Variants in TNRC18 observed in about 807,000 individuals in gnomAD.
The protein encoded by TNRC18 is trinucleotide repeat-containing gene 18 protein.
A neutral mutation model predicts 226.7 loss-of-function variants in TNRC18; 69 were observed. That is an observed-to-expected ratio of 0.30 (90% CI 0.25 to 0.37). The LOEUF (loss-of-function observed/expected upper bound fraction) is 0.37, where lower values mean the gene tolerates loss of function less well. TNRC18 is among the 10% of genes least tolerant of loss of function. TNRC18 has a pLI of 1.00. For missense variants in TNRC18, 4,754 were observed against 4,256.6 expected (o/e 1.12, Z -3.25); for synonymous variants, 2,449 against 1,927.6 (o/e 1.27, Z -7.09).
rs776632470 is a variant in TNRC18 at position 5,309,298 on chromosome 7, C to T, written c.8459G>A (p.Arg2820His). The T allele has an allele frequency of 1.2e-5, 19 of 1,613,788 alleles. No homozygotes were observed. The highest frequency in any genetic ancestry group is 6.7e-5 in the East Asian group (3 of 44,890). ...GAGGAACACGGCACAGTCCCCGATA[C>T]GGATCATCTCCTTGCCGCGCACGAT... Reference protein sequence around the residue: ...KAIVRGKEMIRIGDCAVFLSA... With the variant: ...KAIVRGKEMIHIGDCAVFLSA... Residue 2820 changes from arginine (R) to histidine (H), a missense_variant, in exon 28 of 30, where the codon CGT becomes CAT. Physicochemically the swap from Arg to His is conservative, Grantham distance 29 (BLOSUM62 0). Transcript: ENST00000430969. The surrounding 1 kb of genome is among the most constrained non-coding windows in gnomAD (Gnocchi z 5.7).
chr7:5,312,788 G>C lies in TNRC18; in HGVS notation c.8103C>G (p.Thr2701=), dbSNP rs757609075. 3 of 1,533,836 alleles carry C rather than the reference G, an allele frequency of 2.0e-6. No individual in the cohort carries two copies. The highest frequency in any genetic ancestry group is 4.2e-5 in the Admixed American group (2 of 47,564). Reference sequence around the variant, plus strand: ...CCTTGCCGGCCTGCTTGGTGGCCTTGGTGGGGAGCGCCGCCTGCGCGGAAG... The same window carrying C: ...CCTTGCCGGCCTGCTTGGTGGCCTTCGTGGGGAGCGCCGCCTGCGCGGAAG... ...AGPSAQAALP[T]KATKQAGKAR... The change falls in exon 27 of 30, where the codon ACC becomes ACG. Residue 2701 remains threonine, a synonymous_variant. Transcript: ENST00000430969. The surrounding 1 kb of genome is among the most constrained non-coding windows in gnomAD (Gnocchi z 6.3).
At chr7:5,417,838 G>A (rs532132574) in intron 2 of TNRC18, among the ~76,000 whole-genome samples, 62 of 152,248 alleles carry the variant, frequency 4.1e-4, no homozygotes, top group African/African-American at 1.4e-3. Context: ...CTCTGCCAGC[G>A]GTCTTCACTG....
chr7:5,407,759 G>A (rs1302491334), intron 2 of TNRC18, among the ~76,000 whole-genome samples: 1 of 152,192 alleles, frequency 6.6e-6, no homozygotes, highest in Non-Finnish European at 1.5e-5. Flanking sequence ...TCCAGACTTT[G>A]TCAATTCTCA....
At chr7:5,398,173 AT>A (rs1288938002) in intron 2 of TNRC18, among the ~76,000 whole-genome samples, 11 of 149,614 alleles carry the variant, frequency 7.4e-5, no homozygotes, top group Non-Finnish European at 8.9e-5. Flanking sequence ...GCAAAAAAAA[AT>A]TTTTTTTTTT....
At chr7:5,420,203 G>A (rs1451463166) in intron 2 of TNRC18, 7 of 350,530 alleles carry the variant, frequency 2.0e-5, no homozygotes, top group Non-Finnish European at 1.7e-5. Context: ...CCGCGCCTGG[G>A]CAGCCCGTCT....
At chr7:5,391,438 A>C (rs921275675) in intron 3 of TNRC18, among the ~76,000 whole-genome samples, 2 of 151,694 alleles carry the variant, frequency 1.3e-5, no homozygotes, top group Non-Finnish European at 2.9e-5. Context: ...CAGCCTCCTG[A>C]GGAGCTGGGA....
chr7:5,389,436 T>G (rs1780110251), intron 4 of TNRC18, 100 bp from the exon 5 acceptor site: 21 of 1,163,432 alleles, frequency 1.8e-5, no homozygotes, highest in Non-Finnish European at 2.2e-5. Flanking sequence ...GACCAACCCA[T>G]GCCTCCCCCA....
At chr7:5,323,666 C>A (rs1250476317) in intron 21 of TNRC18, among the ~76,000 whole-genome samples, 1 of 150,784 alleles carries the variant, frequency 6.6e-6, no homozygotes, top group Non-Finnish European at 1.5e-5. Context: ...CTCCTGGTTT[C>A]AAGTGATTCT....
Position 5,377,027 on chromosome 7 carries a change from G to C in TNRC18, c.2462-34C>G, listed in dbSNP as rs1262890294. 1.3e-6 allele frequency: 2 copies of C among 1,552,070 alleles called. No homozygotes were observed. Among genetic ancestry groups the C allele is most frequent in the Admixed American group, 4.1e-5 (2 of 49,336 alleles). On this transcript the variant is annotated intron_variant, in intron 7 of 29. Coordinates refer to ENST00000430969, the MANE Select transcript of TNRC18 (RefSeq NM_001080495.3). The surrounding 1 kb of genome is among the most constrained non-coding windows in gnomAD (Gnocchi z 5.8). ...AGAAGCCCAGGCCTGAGTCAGTGCT[G>C]GGAGCCCCCAAGCGGTTTGTCCTCG...
chr7:5,388,895 C>G lies in TNRC18; in HGVS notation c.929G>C (p.Arg310Pro). The G allele has an allele frequency of 7.4e-7, 1 of 1,356,640 alleles. No homozygotes were observed. The highest frequency in any genetic ancestry group is 1.6e-5 in the African/African-American group (1 of 63,258). The allele number at this position is 1,356,640 out of a possible 1,614,324, so 84.0% of individuals were successfully genotyped here. A position where few individuals can be genotyped will look rare whatever the true frequency, so the allele number is the denominator to read the frequency against. The change falls in exon 5 of 30, where the codon CGG becomes CCG. Residue 310 changes from arginine to proline, a missense_variant. Arg to Pro is a moderately radical substitution (Grantham distance 103). Coordinates refer to ENST00000430969, the MANE Select transcript of TNRC18 (RefSeq NM_001080495.3). Reference protein sequence around the residue: ...AGRGGAKEAARQDEGARLLRR... With the variant: ...AGRGGAKEAAPQDEGARLLRR... ...CAGCAGCCGCGCGCCCTCGTCCTGC[C>G]GGGCAGCCTCCTTGGCACCCCCGCG...
intron 9 of TNRC18, among the ~76,000 whole-genome samples, 197 bp downstream of exon 9, chr7:5,375,837 C>T (rs771641281): frequency 6.6e-5 from 10 of 152,218 alleles, no homozygotes; most frequent in South Asian, 2.1e-4. Context: ...CAGCTCCCTC[C>T]GCCTGGAGAA....
chr7:5,381,244 C>A (rs1042846566), intron 5 of TNRC18, among the ~76,000 whole-genome samples: 4 of 152,190 alleles, frequency 2.6e-5, no homozygotes, highest in African/African-American at 9.7e-5. Flanking sequence ...TTGGCCGGGC[C>A]CCTCCTCTAC....
At position 5,371,249 on chromosome 7, in the gene TNRC18, C is replaced by G; in HGVS notation, c.3345G>C (p.Pro1115=). The change falls in exon 11 of 30, where the codon CCG becomes CCC. Residue 1115 remains proline (P), a synonymous_variant. Coordinates refer to ENST00000430969, the MANE Select transcript of TNRC18 (RefSeq NM_001080495.3). ...GGCGCTCGGGCCCATCAGCCGGGAGCGGCACATCAGGGGCCAAGCCGTCCG... is the reference window on the plus strand; with the variant it reads ...GGCGCTCGGGCCCATCAGCCGGGAGGGGCACATCAGGGGCCAAGCCGTCCG... ...ADADGLAPDV[P]LPADGPERLA... 2 of 1,602,540 alleles carry G rather than the reference C, an allele frequency of 1.2e-6. No homozygotes were observed. The highest frequency in any genetic ancestry group is 1.7e-6 in the Non-Finnish European group (2 of 1,173,758).
chr7:5,336,328 G>T (rs1285596493), intron 18 of TNRC18, among the ~76,000 whole-genome samples: 1 of 152,040 alleles, frequency 6.6e-6, no homozygotes, highest in Non-Finnish European at 1.5e-5. Flanking sequence ...GGAAAGAACA[G>T]CCAACGATTC....
chr7:5,419,866 A>G (rs1338085475), intron 2 of TNRC18: 1 of 152,334 alleles, frequency 6.6e-6, no homozygotes, highest in Admixed American at 6.5e-5. Context: ...AGCTCCGCCG[A>G]GCGGGCGGGG....
Position 5,308,034 on chromosome 7 carries a change from G to A in TNRC18, c.*72C>T, listed in dbSNP as rs564043025. 1.1e-4 allele frequency: 160 copies of A among 1,411,340 alleles called. 1 individual carries two copies. The highest frequency in any genetic ancestry group is 9.9e-4 in the Middle Eastern group (4 of 4,048). 87.4% of individuals were successfully genotyped at this position (1,411,340 alleles called of 1,614,324 possible). ...CATGCACACAACGCACGTGGTCTCC[G>A]CGCCATGGCAGTGATGGAGATGGGT... On this transcript the variant is annotated 3_prime_UTR_variant, in exon 30 of 30. Transcript: ENST00000430969.
intron 24 of TNRC18, among the ~76,000 whole-genome samples, chr7:5,319,724 G>A (rs1379156079): frequency 6.6e-6 from 1 of 152,102 alleles, no homozygotes; most frequent in African/African-American, 2.4e-5. Flanking sequence ...GGCCAAGCTG[G>A]TCTTGAACTC....
rs1269827880 is a variant in TNRC18, at chr7:5,307,768, C to T, written c.*338G>A. On this transcript the variant is annotated 3_prime_UTR_variant, in exon 30 of 30. Transcript: ENST00000430969. ...CTGCATGGACCTGGGGGCACCCGGGCCCCCACGCAGCAGCAGCCTGGAGGG... is the reference window on the plus strand; with the variant it reads ...CTGCATGGACCTGGGGGCACCCGGGTCCCCACGCAGCAGCAGCCTGGAGGG... 2.6e-6 allele frequency: 1 copy of T among 387,196 alleles called. No homozygotes were observed. Among genetic ancestry groups the T allele is most frequent in the Non-Finnish European group, 4.9e-6 (1 of 202,734 alleles). The allele number at this position is 387,196 out of a possible 1,614,324, so 24.0% of individuals were successfully genotyped here.
In TNRC18 at chr7:5,352,091, G is replaced by A. The variant is rs773445991; in HGVS notation, c.5198C>T (p.Thr1733Met). Residue 1733 changes from threonine (T) to methionine (M), a missense_variant, in exon 17 of 30, where the codon ACG becomes ATG. Transcript: ENST00000430969. ...ASEVSSYSYN[T>M]DSEEDEEFLK... ...GAATTCTTCGTCTTCCTCTGAGTCC[G>A]TATCTGCAGTCAAAGTAGTTTTTAA... 1.4e-5 allele frequency: 23 copies of A among 1,598,468 alleles called. No individual in the cohort carries two copies. The highest frequency in any genetic ancestry group is 1.7e-4 in the Middle Eastern group (1 of 6,030).
Sources: allele counts gnomAD v4.1 joint callset (sites outside exome capture counted in the v4.1 genomes callset), GRCh38; gene constraint gnomAD v4.1.1; non-coding constraint Gnocchi (gnomAD v3.1); transcripts MANE v1.5; gene names NCBI Gene and HGNC (gene_info 2026-07-23, HGNC 2026-07-21).